The following PDE1A variants were observed in gnomAD, a reference collection of about 807,000 sequenced individuals.
The protein encoded by PDE1A is dual specificity calcium/calmodulin-dependent 3',5'-cyclic nucleotide phosphodiesterase 1A.
Under a neutral mutation model 61.7 loss-of-function variants are expected in PDE1A, and 35 were observed. That is an observed-to-expected ratio of 0.57 (90% CI 0.43 to 0.75). The LOEUF is 0.75. PDE1A is among the 30% of genes least tolerant of loss of function. The pLI is 0.00. For synonymous variants in PDE1A, 232 were observed against 213.2 expected, an observed-to-expected ratio of 1.09 and a Z score of -0.77; for missense variants, 597 against 630.6, an observed-to-expected ratio of 0.95 and a Z score of 0.57.
upstream of PDE1A, among the ~76,000 whole-genome samples, chr2:182,524,835 AG>A (rs1326963642): frequency 6.6e-6 from 1 of 151,930 alleles, no homozygotes; most frequent in Non-Finnish European, 1.5e-5. Context: ...CATTTCTCAT[AG>A]TTTCCATTTA....
At position 182,226,371 on chromosome 2, in the gene PDE1A, C is replaced by G. The variant is rs1275093197; in HGVS notation, c.676-2407G>C. Reference sequence around the variant, plus strand: ...TCATTTCTGCCTCCCATAAATAGTACTTTCTCCACAAATCCCCCTTACTTA... The same window carrying G: ...TCATTTCTGCCTCCCATAAATAGTAGTTTCTCCACAAATCCCCCTTACTTA... On this transcript the variant is annotated intron_variant, in intron 6 of 13. Transcript: ENST00000351439. 6.7e-5 allele frequency among the ~76,000 whole-genome samples: 10 copies of G among 149,732 alleles called. 1 individual carries two copies. The highest frequency in any genetic ancestry group is 2.0e-4 in the Admixed American group (3 of 15,140).
At chr2:182,499,813 C>T (rs888149372) in intron 2 of PDE1A, among the ~76,000 whole-genome samples, 4 of 152,176 alleles carry the variant, frequency 2.6e-5, no homozygotes, top group Non-Finnish European at 1.5e-5. Flanking sequence ...ATTGGAGAAG[C>T]TCATCCCCTA....
At chr2:182,297,936 T>C (rs574335022) in intron 1 of PDE1A, among the ~76,000 whole-genome samples, 1 of 152,312 alleles carries the variant, frequency 6.6e-6, no homozygotes, top group African/African-American at 2.4e-5. Flanking sequence ...ACTTCCCCCT[T>C]CCTTACCAAT....
intron 2 of PDE1A, among the ~76,000 whole-genome samples, chr2:182,462,688 A>G (rs1686387614): frequency 6.6e-6 from 1 of 152,150 alleles, no homozygotes. Context: ...GGAGCCCTAG[A>G]GGCAGTACTG....
At chr2:182,670,310 A>G in the PDE1A span, among the ~76,000 whole-genome samples, 2 of 152,200 alleles carry the variant, frequency 1.3e-5, no homozygotes, top group South Asian at 2.1e-4. Flanking sequence ...GTATTTCTCA[A>G]TCCTTAATTG....
chr2:182,525,598 C>T (rs958997984), upstream of PDE1A, among the ~76,000 whole-genome samples: 27 of 152,148 alleles, frequency 1.8e-4, no homozygotes, highest in Non-Finnish European at 5.9e-5. Context: ...GCTTCTCCTT[C>T]ACCTTCCGCC....
At chr2:182,241,081 G>A (rs1420420261) in intron 2 of PDE1A, among the ~76,000 whole-genome samples, 2 of 152,116 alleles carry the variant, frequency 1.3e-5, no homozygotes, top group Admixed American at 6.5e-5. Context: ...AAAATTGACT[G>A]GACTGCTGAG....
chr2:182,319,744 C>G (rs186208935), intron 1 of PDE1A, among the ~76,000 whole-genome samples: 23 of 152,252 alleles, frequency 1.5e-4, no homozygotes, highest in Admixed American at 2.0e-4. Flanking sequence ...CTCCTGCTGA[C>G]AAGCACAGTA....
chr2:182,310,809 C>T (rs574287573), intron 1 of PDE1A, among the ~76,000 whole-genome samples: 3 of 152,202 alleles, frequency 2.0e-5, no homozygotes, highest in African/African-American at 7.2e-5. Context: ...CTTCTAGGAA[C>T]CCAGCTCAAA....
At chr2:182,387,885 G>C (rs533324485) in intron 1 of PDE1A, among the ~76,000 whole-genome samples, 74 of 152,116 alleles carry the variant, frequency 4.9e-4, no homozygotes, top group African/African-American at 1.8e-3. Flanking sequence ...CCAATAGAAA[G>C]ACACTGAATG....
At chr2:182,646,139 T>C in the PDE1A span, among the ~76,000 whole-genome samples, 1 of 152,054 alleles carries the variant, frequency 6.6e-6, no homozygotes, top group African/African-American at 2.4e-5. Flanking sequence ...TAGGTTGGAT[T>C]GGTCATGGCT....
At chr2:182,362,167 T>C (rs1559376773) in intron 1 of PDE1A, among the ~76,000 whole-genome samples, 1 of 152,006 alleles carries the variant, frequency 6.6e-6, no homozygotes, top group Admixed American at 6.6e-5. Flanking sequence ...TGAAAAGTAT[T>C]AGCAAGAAGA....
chr2:182,670,870 T>A, the PDE1A span, among the ~76,000 whole-genome samples: 1 of 152,078 alleles, frequency 6.6e-6, no homozygotes, highest in African/African-American at 2.4e-5. Context: ...CTGGCTGGAG[T>A]GCAGTGGTGT....
chr2:182,692,358 T>C, the PDE1A span, among the ~76,000 whole-genome samples: 1 of 152,158 alleles, frequency 6.6e-6, no homozygotes, highest in African/African-American at 2.4e-5. Flanking sequence ...GATGAGTTCA[T>C]GTCCTTTGTA....
intron 1 of PDE1A, among the ~76,000 whole-genome samples, chr2:182,334,135 G>A (rs562662539): frequency 5.9e-5 from 9 of 152,034 alleles, no homozygotes; most frequent in South Asian, 2.1e-4. Context: ...ATTCACAGCC[G>A]AATTCTACCA....
At position 182,218,446 on chromosome 2, in the gene PDE1A, A is replaced by G. The variant is rs185548968; in HGVS notation, c.776+5418T>C. On this transcript the variant is annotated intron_variant, in intron 7 of 13. Coordinates refer to ENST00000351439, the Ensembl canonical transcript of PDE1A. Reference sequence around the variant, plus strand: ...AAAAATTAAAAAAACAAGAAAAAAAAGAATACAATGCATTGTTATTAACTC... The same window carrying G: ...AAAAATTAAAAAAACAAGAAAAAAAGGAATACAATGCATTGTTATTAACTC... Among the ~76,000 whole-genome samples, 7 of 152,220 alleles carry G rather than the reference A, an allele frequency of 4.6e-5. No homozygotes were observed. The East Asian group carries it at 1.4e-3, about 29-fold the overall frequency.
intron 1 of PDE1A, among the ~76,000 whole-genome samples, chr2:182,267,263 T>C (rs1244637620): frequency 6.6e-6 from 1 of 152,082 alleles, no homozygotes; most frequent in Admixed American, 6.6e-5. Context: ...AAAAACAAAA[T>C]ATTATGAATT....
chr2:182,378,326 C>A (rs1476964805), intron 1 of PDE1A, among the ~76,000 whole-genome samples: 3 of 152,024 alleles, frequency 2.0e-5, no homozygotes, highest in African/African-American at 7.2e-5. Flanking sequence ...AAGATTGTTT[C>A]TGGGTGAAGG....
At position 182,203,005 on chromosome 2, in the gene PDE1A, T is replaced by C. The variant is rs537380162; in HGVS notation, c.903-1216A>G. On this transcript the variant is annotated intron_variant, in intron 8 of 13. Coordinates refer to ENST00000351439, the Ensembl canonical transcript of PDE1A. Reference sequence around the variant, plus strand: ...TTACTTAAAGATGATATAATCTATTTAATTGCCTTTTTAAAAAAACTATAT... The same window carrying C: ...TTACTTAAAGATGATATAATCTATTCAATTGCCTTTTTAAAAAAACTATAT... 2.6e-4 allele frequency among the ~76,000 whole-genome samples: 39 copies of C among 152,322 alleles called. No homozygotes were observed. The East Asian group carries it at 4.0e-3, about 16-fold the overall frequency.
Sources: allele counts gnomAD v4.1 joint callset (sites outside exome capture counted in the v4.1 genomes callset), GRCh38; gene constraint gnomAD v4.1.1; transcripts MANE v1.5; gene names NCBI Gene and HGNC (gene_info 2026-07-23, HGNC 2026-07-21).